ACAN: variants seen among roughly 807,000 people sequenced by gnomAD.
ACAN encodes the protein aggrecan, also known as aggrecan core protein.
ACAN carries 47 observed loss-of-function variants against 169.1 expected under a neutral mutation model. The observed-to-expected ratio is 0.28, with a 90% confidence interval of 0.22 to 0.35. ACAN has a LOEUF of 0.35. Among genes scored for constraint, ACAN ranks in the 10% least tolerant of loss-of-function variants. The pLI, the probability that ACAN is intolerant of heterozygous loss-of-function variation, is 1.00. For missense variants in ACAN, 2,716 were observed against 2,759.9 expected (o/e 0.98, Z 0.36); for synonymous variants, 1,115 against 1,112.2 (o/e 1.00, Z -0.05).
intron 1 of ACAN, among the ~76,000 whole-genome samples, chr15:88,833,197 C>CT (rs775466854): frequency 2.0e-5 from 3 of 152,196 alleles, no homozygotes; most frequent in Non-Finnish European, 4.4e-5. Context: ...TGTCTGCAAC[C>CT]TGGACACATG....
rs1272581910 is a variant in ACAN, at chr15:88,870,116, C to T, written c.7061-1266C>T. Reference sequence around the variant, plus strand: ...CATTCATAGCTGAGGCACCAGAGGCCTCCACGGCCCCTCCTACAGCTCTGT... The same window carrying T: ...CATTCATAGCTGAGGCACCAGAGGCTTCCACGGCCCCTCCTACAGCTCTGT... On this transcript the variant is annotated intron_variant, in intron 14 of 18. Transcript: ENST00000560601. This position sits in a 1 kb window ranked among gnomAD's most constrained non-coding sequence, Gnocchi z 6.3. Among the ~76,000 whole-genome samples, 1 of 152,214 alleles carries T rather than the reference C, an allele frequency of 6.6e-6. No homozygotes were observed. Among genetic ancestry groups the T allele is most frequent in the African/African-American group, 2.4e-5 (1 of 41,446 alleles).
intron 1 of ACAN, among the ~76,000 whole-genome samples, chr15:88,819,051 T>TC (rs923600475): frequency 6.6e-6 from 1 of 152,058 alleles, no homozygotes; most frequent in African/African-American, 2.4e-5. Context: ...ACAGCATGAG[T>TC]CCCCAGAAGG....
chr15:88,860,323 C>T lies in ACAN; in HGVS notation c.6833-3C>T, dbSNP rs891553895. 3 of 1,603,258 alleles carry T rather than the reference C, an allele frequency of 1.9e-6. No homozygotes were observed. Among genetic ancestry groups the T allele is most frequent in the Non-Finnish European group, 2.6e-6 (3 of 1,174,772 alleles). On this transcript the variant is annotated splice_region_variant and splice_polypyrimidine_tract_variant and intron_variant, in intron 12 of 18. Coordinates refer to ENST00000560601, the MANE Select transcript of ACAN (RefSeq NM_001369268.1). Reference sequence around the variant, plus strand: ...TGCTCAACCTCTCCCCTGGGGGTTGCAGCCCCCGCCAGGTCCTGTGCAGAG... The same window carrying T: ...TGCTCAACCTCTCCCCTGGGGGTTGTAGCCCCCGCCAGGTCCTGTGCAGAG...
In ACAN at chr15:88,871,913, C is replaced by A; in HGVS notation, c.7220-90C>A. ...TAGGAGCCCACCCACCTCCTTTCCT[C>A]CTCCATCCCCTCTGCCTCCGTGAGC... On this transcript the variant is annotated intron_variant, in intron 15 of 18. Transcript: ENST00000560601. The surrounding 1 kb of genome is among the most constrained non-coding windows in gnomAD (Gnocchi z 7.8). 1 of 1,194,198 alleles carries A rather than the reference C, an allele frequency of 8.4e-7. No individual in the cohort carries two copies. The highest frequency in any genetic ancestry group is 1.3e-6 in the Non-Finnish European group (1 of 798,818). 74.0% of individuals were successfully genotyped at this position (1,194,198 alleles called of 1,614,324 possible).
chr15:88,844,256 T>C (rs1479009442), intron 6 of ACAN, among the ~76,000 whole-genome samples: 3 of 149,262 alleles, frequency 2.0e-5, no homozygotes, highest in African/African-American at 4.9e-5. Context: ...TGCCTCAGCC[T>C]CCCATGCAAC....
At chr15:88,811,882 T>C (rs1895829741) in intron 1 of ACAN, among the ~76,000 whole-genome samples, 1 of 151,996 alleles carries the variant, frequency 6.6e-6, no homozygotes, top group Non-Finnish European at 1.5e-5. Flanking sequence ...CACCCCAGAC[T>C]CACGTGACCC....
intron 1 of ACAN, among the ~76,000 whole-genome samples, chr15:88,818,032 A>G (rs990796305): frequency 3.9e-5 from 6 of 152,162 alleles, no homozygotes; most frequent in African/African-American, 1.4e-4. Flanking sequence ...GTTATTTTGC[A>G]GTTTACTTTT....
chr15:88,857,880 T>C lies in ACAN; in HGVS notation c.5295T>C (p.Ile1765=), dbSNP rs1897095433. Residue 1765 remains isoleucine, a synonymous_variant, in exon 12 of 19, where the codon ATT becomes ATC. Coordinates refer to ENST00000560601, the MANE Select transcript of ACAN (RefSeq NM_001369268.1). ...GGCTGTCCTCTGGACAACCAGGTAT[T>C]AGTGGAGAAGCATCTGGAGTTCTTT... ...LSGLSSGQPG[I]SGEASGVLYG... 4 of 1,613,322 alleles carry C rather than the reference T, an allele frequency of 2.5e-6. No homozygotes were observed. The South Asian group carries it at 4.4e-5, about 18-fold the overall frequency.
chr15:88,823,838 C>T (rs1463524488), intron 1 of ACAN, among the ~76,000 whole-genome samples: 1 of 152,220 alleles, frequency 6.6e-6, no homozygotes, highest in East Asian at 1.9e-4. Context: ...GCCCATCCTT[C>T]TCCACTCTTG....
rs747810644 is a variant in ACAN at position 88,858,498 on chromosome 15, A to G, written c.5913A>G (p.Ala1971=). Residue 1971 remains alanine (A), a synonymous_variant, in exon 12 of 19, where the codon GCA becomes GCG. Coordinates refer to ENST00000560601, the MANE Select transcript of ACAN (RefSeq NM_001369268.1). The surrounding 1 kb of genome is among the most constrained non-coding windows in gnomAD (Gnocchi z 4.0). The part of the protein sequence containing the change: ...ILELSGAHSG[A]PDMSGEHSGF... ...AACTCAGTGGTGCTCATTCTGGAGC[A>G]CCAGACATGTCTGGGGAGCATTCTG... 1 of 1,613,796 alleles carries G rather than the reference A, an allele frequency of 6.2e-7. No homozygotes were observed. Among genetic ancestry groups the G allele is most frequent in the Non-Finnish European group, 8.5e-7 (1 of 1,179,886 alleles).
chr15:88,849,854 G>A lies in ACAN; in HGVS notation c.2026+123G>A, dbSNP rs1401331442. On this transcript the variant is annotated intron_variant, in intron 10 of 18. Coordinates refer to ENST00000560601, the MANE Select transcript of ACAN (RefSeq NM_001369268.1). This position sits in a 1 kb window ranked among gnomAD's most constrained non-coding sequence, Gnocchi z 5.1. ...GAGCAAGAAAATGTCAGTCCCTCTG[G>A]GGCAGAGCCAGCTCTGAAACCAGCA... 1.5e-6 allele frequency: 2 copies of A among 1,376,366 alleles called. No homozygotes were observed. The highest frequency in any genetic ancestry group is 5.0e-5 in the East Asian group (2 of 40,160). The allele number at this position is 1,376,366 out of a possible 1,614,324, so 85.3% of individuals were successfully genotyped here.
rs1296623773 is a variant in ACAN, at chr15:88,858,639, C to A, written c.6054C>A (p.Ser2018=). Residue 2018 remains serine, a synonymous_variant, in exon 12 of 19, where the codon TCC becomes TCA. Transcript: ENST00000560601. This position sits in a 1 kb window ranked among gnomAD's most constrained non-coding sequence, Gnocchi z 4.0. ...FASTTNVSGE[S]SVAMGTSGEA... Reference sequence around the variant, plus strand: ...GCACCACCAATGTAAGTGGAGAATCCTCTGTAGCCATGGGCACCAGTGGAG... The same window carrying A: ...GCACCACCAATGTAAGTGGAGAATCATCTGTAGCCATGGGCACCAGTGGAG... 1 of 1,613,940 alleles carries A rather than the reference C, an allele frequency of 6.2e-7. No homozygotes were observed. The highest frequency in any genetic ancestry group is 2.2e-5 in the East Asian group (1 of 44,888).
In ACAN at chr15:88,874,639, A is replaced by ACT. The variant is rs1367219680; in HGVS notation, c.*160_*161dup. On this transcript the variant is annotated 3_prime_UTR_variant, in exon 19 of 19. Coordinates refer to ENST00000560601, the MANE Select transcript of ACAN (RefSeq NM_001369268.1). The surrounding 1 kb of genome is among the most constrained non-coding windows in gnomAD (Gnocchi z 7.3). ...AAATCCCACATTTGTGTATGCACCCACTCACCCCTCCAAATCAGCAAAACC... is the reference window on the plus strand; with the variant it reads ...AAATCCCACATTTGTGTATGCACCCACTCTCACCCCTCCAAATCAGCAAAACC... 1 of 752,170 alleles carries ACT rather than the reference A, an allele frequency of 1.3e-6. No individual in the cohort carries two copies. Among genetic ancestry groups the ACT allele is most frequent in the Non-Finnish European group, 2.3e-6 (1 of 434,100 alleles). The allele number at this position is 752,170 out of a possible 1,614,324, so 46.6% of individuals were successfully genotyped here. A position where few individuals can be genotyped will look rare whatever the true frequency, so the allele number is the denominator to read the frequency against.
In ACAN at chr15:88,857,696, G is replaced by A; in HGVS notation, c.5111G>A (p.Gly1704Glu). The change falls in exon 12 of 19, where the codon GGG (glycine) becomes GAG (glutamate). Residue 1704 changes from glycine to glutamate, a missense_variant. By Grantham distance (98) the Gly-to-Glu change is moderately conservative. Coordinates refer to ENST00000560601, the MANE Select transcript of ACAN (RefSeq NM_001369268.1). ...CCCTCCAGTGAGCTGGACATTAGTG[G>A]GAGAGCTAGTGGACTCCCTTCAGGA... ...GLPSSELDIS[G>E]RASGLPSGTE... The A allele has an allele frequency of 6.2e-7, 1 of 1,614,018 alleles. No individual in the cohort carries two copies. Among genetic ancestry groups the A allele is most frequent in the Non-Finnish European group, 8.5e-7 (1 of 1,179,890 alleles).
At position 88,849,888 on chromosome 15, in the gene ACAN, G is replaced by T. The variant is rs780707161; in HGVS notation, c.2026+157G>T. ...CAGCTCTGAAACCAGCACAACGCAGGCTTTGACCCCAAGGCAAGGTCATCC... is the reference window on the plus strand; with the variant it reads ...CAGCTCTGAAACCAGCACAACGCAGTCTTTGACCCCAAGGCAAGGTCATCC... On this transcript the variant is annotated intron_variant, in intron 10 of 18. Transcript: ENST00000560601. The surrounding 1 kb of genome is among the most constrained non-coding windows in gnomAD (Gnocchi z 5.1). The T allele has an allele frequency of 1.2e-5, 13 of 1,079,590 alleles. No homozygotes were observed. The highest frequency in any genetic ancestry group is 9.9e-5 in the Admixed American group (5 of 50,412). The allele number at this position is 1,079,590 out of a possible 1,614,324, so 66.9% of individuals were successfully genotyped here.
At chr15:88,805,951 CT>C (rs1395376954) in intron 1 of ACAN, among the ~76,000 whole-genome samples, 2 of 152,288 alleles carry the variant, frequency 1.3e-5, no homozygotes, top group East Asian at 3.9e-4. Context: ...CTTATGCCCC[CT>C]CCCCAATTAG....
intron 1 of ACAN, among the ~76,000 whole-genome samples, chr15:88,818,480 A>C (rs556413928): frequency 3.9e-5 from 6 of 152,206 alleles, no homozygotes; most frequent in Non-Finnish European, 7.3e-5. Context: ...CAAATTTGCC[A>C]TTCCCAGAGT....
chr15:88,853,574 G>T (rs1009891905), intron 11 of ACAN, among the ~76,000 whole-genome samples: 2 of 152,134 alleles, frequency 1.3e-5, no homozygotes, highest in Non-Finnish European at 2.9e-5. Context: ...GGACGTGGAG[G>T]TTGCAGTCAG....
In ACAN at chr15:88,849,255, G is replaced by A. The variant is rs138854145; in HGVS notation, c.1733-183G>A. Among the ~76,000 whole-genome samples, 1 of 152,294 alleles carries A rather than the reference G, an allele frequency of 6.6e-6. No individual in the cohort carries two copies. Among genetic ancestry groups the A allele is most frequent in the Admixed American group, 6.5e-5 (1 of 15,310 alleles). ...CCCCAGTCCAGTACAAACCAGAGCGGTGGTCACCTATTTCCCAGGGTCCCA... is the reference window on the plus strand; with the variant it reads ...CCCCAGTCCAGTACAAACCAGAGCGATGGTCACCTATTTCCCAGGGTCCCA... On this transcript the variant is annotated intron_variant, in intron 9 of 18. Transcript: ENST00000560601. This position sits in a 1 kb window ranked among gnomAD's most constrained non-coding sequence, Gnocchi z 5.1.
Sources: allele counts gnomAD v4.1 joint callset (sites outside exome capture counted in the v4.1 genomes callset), GRCh38; gene constraint gnomAD v4.1.1; non-coding constraint Gnocchi (gnomAD v3.1); transcripts MANE v1.5; gene names NCBI Gene and HGNC (gene_info 2026-07-23, HGNC 2026-07-21).